ZNF57: variants seen among roughly 807,000 people sequenced by gnomAD.
ZNF57 encodes the protein zinc finger protein 57.
ZNF57 carries 11 observed loss-of-function variants against 13.4 expected under a neutral mutation model. The observed-to-expected ratio is 0.82, with a 90% CI of 0.52 to 1.36. The LOEUF (loss-of-function observed/expected upper bound fraction) is 1.36, where lower values mean the gene tolerates loss of function less well. Among genes scored for constraint, ZNF57 ranks in the 40% most tolerant of loss-of-function variants. The pLI, the probability that ZNF57 is intolerant of heterozygous loss-of-function variation, is 0.00. For missense variants in ZNF57, 696 were observed against 667.5 expected, an observed-to-expected ratio of 1.04 and a Z score of -0.47; for synonymous variants, 224 against 238.5, an observed-to-expected ratio of 0.94 and a Z score of 0.56.
rs777060626 is a variant in ZNF57, at chr19:2,904,925, G to C, written c.3+3877G>C. On this transcript the variant is annotated intron_variant, in intron 1 of 3. Transcript: ENST00000306908. ...CGTTGTAAGAACTAACTTCTGAATG[G>C]GCTCTGCTCTTGTCATTCACAGTGA... Among the ~76,000 whole-genome samples, 136 of 152,056 alleles carry C rather than the reference G, an allele frequency of 8.9e-4. 4 individuals carry two copies. The highest frequency in any genetic ancestry group is 2.4e-4 in the Non-Finnish European group (16 of 68,008).
intron 1 of ZNF57, among the ~76,000 whole-genome samples, chr19:2,903,255 A>T (rs1358462688): frequency 6.6e-6 from 1 of 151,674 alleles, no homozygotes; most frequent in Non-Finnish European, 1.5e-5. Context: ...TGTGTCTCCC[A>T]GGCTGGAGTA....
rs2088220728 is a variant in ZNF57 at position 2,917,636 on chromosome 19, G to C, written c.1015G>C (p.Glu339Gln). Residue 339 changes from glutamate to glutamine, a missense_variant, in exon 4 of 4, where the codon GAA (glutamate) becomes CAA (glutamine). By Grantham distance (29) the Glu-to-Gln change is conservative (BLOSUM62 2). Around this residue, in one of 3 missense-constraint regions of ZNF57, gnomAD observed 645 missense variants for 591.5 expected, o/e 1.09. Transcript: ENST00000306908. ...IHTGDKLYKCEHCGKAFTSSR... is the reference protein window; with the variant it reads ...IHTGDKLYKCQHCGKAFTSSR... ...CACTGGGGACAAACTCTATAAATGT[G>C]AACACTGTGGGAAGGCTTTTACCTC... The C allele has an allele frequency of 6.2e-7, 1 of 1,613,588 alleles. No individual in the cohort carries two copies. Among genetic ancestry groups the C allele is most frequent in the Non-Finnish European group, 8.5e-7 (1 of 1,179,712 alleles).
rs754156975 is a variant in ZNF57, at chr19:2,901,059, G to A, written c.3+11G>A. The A allele has an allele frequency of 2.2e-5, 34 of 1,558,398 alleles. No individual in the cohort carries two copies. In the South Asian group the frequency reaches 3.7e-4, roughly 17 times the overall value. ...AGCAGGGGAGACATGGTGAGTGCGAGGCAGGAGCAGAGCCAGGGGACGGTC... is the reference window on the plus strand; with the variant it reads ...AGCAGGGGAGACATGGTGAGTGCGAAGCAGGAGCAGAGCCAGGGGACGGTC... On this transcript the variant is annotated intron_variant, in intron 1 of 3. Coordinates refer to ENST00000306908, the MANE Select transcript of ZNF57 (RefSeq NM_173480.3).
At chr19:2,916,312 C>T in intron 3 of ZNF57, 63 bp downstream of exon 3, 2 of 1,397,280 alleles carry the variant, frequency 1.4e-6, no homozygotes, top group Non-Finnish European at 1.9e-6. Flanking sequence ...AAGTATTGCT[C>T]CAAATATAAG....
In ZNF57 at chr19:2,918,320, C is replaced by T; in HGVS notation, c.*31C>T. The T allele has an allele frequency of 6.5e-7, 1 of 1,543,410 alleles. No homozygotes were observed. The highest frequency in any genetic ancestry group is 1.3e-5 in the South Asian group (1 of 78,660). ...AATTCTATAACTTTAATGGGGTAAC[C>T]TCACATTAATTCATGTATAATGCTC... On this transcript the variant is annotated 3_prime_UTR_variant, in exon 4 of 4. Transcript: ENST00000306908.
At chr19:2,916,028 C>G (rs771474017) in intron 2 of ZNF57, 50 bp from the exon 3 acceptor site, 6 of 1,570,638 alleles carry the variant, frequency 3.8e-6, no homozygotes, top group Non-Finnish European at 5.2e-6. Context: ...TCTTCCTTTG[C>G]TTAATACGTG....
chr19:2,905,816 A>C (rs1167580660), intron 1 of ZNF57, among the ~76,000 whole-genome samples: 1 of 151,058 alleles, frequency 6.6e-6, no homozygotes. Flanking sequence ...AGGAAACCTG[A>C]TTGTTCTTAG....
At chr19:2,907,881 AAAT>A (rs1316201670) in intron 1 of ZNF57, among the ~76,000 whole-genome samples, 1 of 152,080 alleles carries the variant, frequency 6.6e-6, no homozygotes, top group Non-Finnish European at 1.5e-5. Context: ...CTAATTTTAA[AAAT>A]AATAAAAAAA....
chr19:2,916,616 G>A (rs867309013), intron 3 of ZNF57: 61 of 243,076 alleles, frequency 2.5e-4, no homozygotes, highest in South Asian at 1.6e-3. Context: ...CCTGTGAGGC[G>A]GAGGCAGGAG....
Position 2,917,382 on chromosome 19 carries a change from G to T in ZNF57, c.761G>T (p.Cys254Phe). ...RTHTKDRPYKCQECGRAFIYP... is the reference protein window; with the variant it reads ...RTHTKDRPYKFQECGRAFIYP... ...CACACAAAAGACAGGCCATATAAAT[G>T]TCAGGAATGTGGGAGAGCCTTCATT... Residue 254 changes from cysteine (C) to phenylalanine (F), a missense_variant, in exon 4 of 4, where the codon TGT (cysteine) becomes TTT (phenylalanine). By Grantham distance (205) the Cys-to-Phe change is radical (BLOSUM62 -2). Around this residue, in one of 3 missense-constraint regions of ZNF57, gnomAD observed 645 missense variants for 591.5 expected, o/e 1.09. Coordinates refer to ENST00000306908, the MANE Select transcript of ZNF57 (RefSeq NM_173480.3). 1 of 1,614,184 alleles carries T rather than the reference G, an allele frequency of 6.2e-7. No homozygotes were observed. Among genetic ancestry groups the T allele is most frequent in the Non-Finnish European group, 8.5e-7 (1 of 1,180,044 alleles).
At chr19:2,905,960 G>A (rs1332494494) in intron 1 of ZNF57, among the ~76,000 whole-genome samples, 1 of 152,118 alleles carries the variant, frequency 6.6e-6, no homozygotes, top group African/African-American at 2.4e-5. Context: ...CTGCTGACGT[G>A]GTGGCATTGT....
Position 2,915,564 on chromosome 19 carries a change from G to A in ZNF57, c.46G>A (p.Glu16Lys). 1 of 1,614,062 alleles carries A rather than the reference G, an allele frequency of 6.2e-7. No homozygotes were observed. The highest frequency in any genetic ancestry group is 8.5e-7 in the Non-Finnish European group (1 of 1,179,936). ...FEDVAVDFTLEEWALLDSAQR... is the reference protein window; with the variant it reads ...FEDVAVDFTLKEWALLDSAQR... ...GGATGTGGCTGTGGACTTCACCCTG[G>A]AGGAGTGGGCTTTGCTGGATTCTGC... The change falls in exon 2 of 4, where the codon GAG becomes AAG. Residue 16 changes from glutamate (E) to lysine (K), a missense_variant. By Grantham distance (56) the Glu-to-Lys change is moderately conservative. This residue lies in a region of ZNF57 where 43 missense variants were observed against 53.5 expected (regional missense o/e 0.80). Coordinates refer to ENST00000306908, the MANE Select transcript of ZNF57 (RefSeq NM_173480.3).
chr19:2,908,429 G>A (rs28680488), intron 1 of ZNF57, among the ~76,000 whole-genome samples: 3,921 of 146,796 alleles, frequency 0.027, 177 homozygotes, highest in African/African-American at 0.094. Context: ...GCCATTTAAC[G>A]TGCACATTTC....
chr19:2,914,782 A>G (rs1386255025), intron 1 of ZNF57, among the ~76,000 whole-genome samples: 2 of 152,160 alleles, frequency 1.3e-5, no homozygotes, highest in African/African-American at 2.4e-5. Flanking sequence ...TACATGCTAC[A>G]TCCATGAATA....
chr19:2,917,188 T>C lies in ZNF57; in HGVS notation c.567T>C (p.Thr189=), dbSNP rs2288959. ...CPSHLHSHGR[T]DTEEKPYKCQ... ...CACACCTACACAGTCACGGAAGAAC[T>C]GACACTGAGGAGAAGCCGTATAAGT... Residue 189 remains threonine, a synonymous_variant, in exon 4 of 4, where the codon ACT becomes ACC. Coordinates refer to ENST00000306908, the MANE Select transcript of ZNF57 (RefSeq NM_173480.3). 1,428,015 of 1,614,058 alleles carry C rather than the reference T, an allele frequency of 0.88. 633,417 individuals are homozygous for C. Among genetic ancestry groups the C allele is most frequent in the Middle Eastern group, 0.91 (5,502 of 6,062 alleles).
intron 1 of ZNF57, among the ~76,000 whole-genome samples, chr19:2,901,324 CGGTCAGG>C (rs1307324001): frequency 1.6e-5 from 1 of 64,486 alleles, no homozygotes; most frequent in Non-Finnish European, 3.0e-5. Flanking sequence ...ACGGTAGGGG[CGGTCAGG>C]GGTCAGGGAC....
chr19:2,912,036 G>A (rs544595720), intron 1 of ZNF57: 1 of 152,340 alleles, frequency 6.6e-6, no homozygotes, highest in South Asian at 2.1e-4. Flanking sequence ...CAGACGCAAT[G>A]TACTGGGTGA....
At chr19:2,913,110 C>T (rs760007915) in intron 1 of ZNF57, among the ~76,000 whole-genome samples, 19 of 152,140 alleles carry the variant, frequency 1.2e-4, no homozygotes, top group East Asian at 1.9e-4. Flanking sequence ...TCCGCCACCA[C>T]GCCCAGCTAA....
chr19:2,901,085 G>A, intron 1 of ZNF57, 37 bp downstream of exon 1: 1 of 1,525,682 alleles, frequency 6.6e-7, no homozygotes, highest in Non-Finnish European at 8.8e-7. Context: ...GGGGACGGTC[G>A]GAGCGACGGG....
Sources: gnomAD v4.1 joint callset for allele counts (sites outside exome capture counted in the v4.1 genomes callset) on GRCh38, gnomAD v4.1.1 for gene constraint, gnomAD v4.1.1 regional missense constraint, MANE v1.5 for transcripts, NCBI Gene and HGNC (gene_info 2026-07-23, HGNC 2026-07-21) for gene names.